The following CYTH1 variants were observed in gnomAD, a reference collection of about 807,000 sequenced individuals.
CYTH1 encodes cytohesin-1.
In CYTH1, 18 loss-of-function variants were observed where a neutral mutation model predicts 61.8. That is an observed-to-expected ratio of 0.29 (90% CI 0.20 to 0.43). The LOEUF is 0.43. Among genes scored for constraint, CYTH1 ranks in the 20% least tolerant of loss-of-function variants. The pLI is 1.00. For synonymous variants in CYTH1, 174 were observed against 184.3 expected (o/e 0.94, Z 0.45); for missense variants, 336 against 510.5 (o/e 0.66, Z 3.29).
chr17:78,761,920 G>A (rs1327585979), intron 1 of CYTH1, among the ~76,000 whole-genome samples: 1 of 152,180 alleles, frequency 6.6e-6, no homozygotes, highest in Non-Finnish European at 1.5e-5. Context: ...CATCTATTCT[G>A]AGTGGAAATT....
intron 11 of CYTH1, chr17:78,692,086 C>T (rs890326240): frequency 3.1e-5 from 8 of 256,934 alleles, no homozygotes; most frequent in African/African-American, 1.8e-4. Flanking sequence ...GGGCCACATA[C>T]TCTTTCTCGG....
At chr17:78,698,669 A>T in intron 8 of CYTH1, 151 bp downstream of exon 8, 2 of 986,916 alleles carry the variant, frequency 2.0e-6, no homozygotes, top group Non-Finnish European at 2.9e-6. Context: ...GGGCCTTACT[A>T]CCACTTTCTT....
intron 1 of CYTH1, among the ~76,000 whole-genome samples, chr17:78,750,484 T>A (rs887834055): frequency 1.6e-4 from 24 of 152,146 alleles, no homozygotes; most frequent in Middle Eastern, 3.2e-3. Context: ...TATAGCTGAT[T>A]CTTGCTATTC....
At chr17:78,725,346 G>C (rs1227649304) in intron 1 of CYTH1, among the ~76,000 whole-genome samples, 2 of 152,176 alleles carry the variant, frequency 1.3e-5, no homozygotes, top group Non-Finnish European at 2.9e-5. Context: ...AACAAACTCA[G>C]TGAAGACAGC....
chr17:78,685,775 G>C (rs928770570), intron 11 of CYTH1, among the ~76,000 whole-genome samples: 1 of 152,098 alleles, frequency 6.6e-6, no homozygotes, highest in Non-Finnish European at 1.5e-5. Context: ...TTTTCTTCAG[G>C]AGAGTGCGGC....
chr17:78,730,485 G>A (rs1475822948), intron 1 of CYTH1, among the ~76,000 whole-genome samples: 1 of 149,826 alleles, frequency 6.7e-6, no homozygotes, highest in Non-Finnish European at 1.5e-5. Flanking sequence ...CTTGCAGTGA[G>A]CCGAGATCAC....
chr17:78,711,459 A>G (rs1156428053), intron 1 of CYTH1, among the ~76,000 whole-genome samples: 1 of 152,060 alleles, frequency 6.6e-6, no homozygotes, highest in Non-Finnish European at 1.5e-5. Flanking sequence ...AGTATGAAAT[A>G]AAAGTGCATC....
intron 10 of CYTH1, among the ~76,000 whole-genome samples, chr17:78,694,801 C>T (rs1217405247): frequency 2.0e-5 from 3 of 152,180 alleles, no homozygotes; most frequent in African/African-American, 7.2e-5. Context: ...TGCCTGATTA[C>T]AAAAGCTTGG....
At chr17:78,747,165 A>G (rs1167933120) in intron 1 of CYTH1, among the ~76,000 whole-genome samples, 5 of 150,680 alleles carry the variant, frequency 3.3e-5, no homozygotes, top group African/African-American at 1.2e-4. Flanking sequence ...AAAAAAAAAA[A>G]AAAAAGAAAA....
chr17:78,692,178 T>C (rs2092893982), intron 11 of CYTH1, among the ~76,000 whole-genome samples: 1 of 152,200 alleles, frequency 6.6e-6, no homozygotes, highest in Admixed American at 6.5e-5. Flanking sequence ...AGGTATCTCC[T>C]GTCCCACCAG....
rs562294898 is a variant in CYTH1 at position 78,714,717 on chromosome 17, C to T, written c.23-4985G>A. On this transcript the variant is annotated intron_variant, in intron 1 of 13. Transcript: ENST00000446868. Reference sequence around the variant, plus strand: ...AAGCCAAGCCTCCCTGCCCACAAGGCCCAGCCATGCACAGAGCTTCCGCTT... The same window carrying T: ...AAGCCAAGCCTCCCTGCCCACAAGGTCCAGCCATGCACAGAGCTTCCGCTT... Among the ~76,000 whole-genome samples, 17 of 152,330 alleles carry T rather than the reference C, an allele frequency of 1.1e-4. No homozygotes were observed. The South Asian group carries it at 2.9e-3, about 26-fold the overall frequency.
intron 3 of CYTH1, among the ~76,000 whole-genome samples, chr17:78,704,957 C>G (rs1026188975): frequency 9.2e-5 from 14 of 152,088 alleles, no homozygotes; most frequent in Non-Finnish European, 1.9e-4. Flanking sequence ...TTAATTTCAG[C>G]CAGAATGAAG....
At chr17:78,743,853 C>T (rs994727941) in intron 1 of CYTH1, among the ~76,000 whole-genome samples, 8 of 152,182 alleles carry the variant, frequency 5.3e-5, no homozygotes, top group African/African-American at 1.9e-4. Flanking sequence ...GGTTAAAAGC[C>T]GTGTGGTAGG....
intron 1 of CYTH1, among the ~76,000 whole-genome samples, chr17:78,726,154 C>T (rs1220534395): frequency 6.6e-6 from 1 of 151,616 alleles, no homozygotes; most frequent in East Asian, 1.9e-4. Context: ...CGCCATTCTC[C>T]TGCCTCAGCC....
At chr17:78,760,508 T>TATATATATGTATATATATATACATAC in intron 1 of CYTH1, among the ~76,000 whole-genome samples, 1 of 46,922 alleles carries the variant, frequency 2.1e-5, no homozygotes, top group Middle Eastern at 9.6e-3. Context: ...CATATATATG[T>TATATATATGTATATATATATACATAC]ATATATATGT....
intron 13 of CYTH1, chr17:78,677,029 C>T (rs1390085091): frequency 4.4e-6 from 2 of 455,956 alleles, no homozygotes; most frequent in Non-Finnish European, 4.4e-6. Context: ...GCTGCTATGG[C>T]TCTCCTGGGC....
At chr17:78,729,664 C>T (rs2093283125) in intron 1 of CYTH1, among the ~76,000 whole-genome samples, 1 of 152,102 alleles carries the variant, frequency 6.6e-6, no homozygotes, top group South Asian at 2.1e-4. Context: ...GGATATGCTC[C>T]CCAAATTCCA....
chr17:78,709,875 T>C (rs2093110000), intron 1 of CYTH1, 143 bp from the exon 2 acceptor site: 2 of 677,048 alleles, frequency 3.0e-6, no homozygotes, highest in Non-Finnish European at 5.0e-6. Flanking sequence ...GAAATAGTTA[T>C]GGCTCCAATT....
chr17:78,769,917 C>T (rs990396029), intron 1 of CYTH1, among the ~76,000 whole-genome samples: 12 of 151,738 alleles, frequency 7.9e-5, no homozygotes, highest in Non-Finnish European at 1.3e-4. Context: ...TTTGGGAGGC[C>T]GAGGTGGGTG....
Sources: allele counts gnomAD v4.1 joint callset (sites outside exome capture counted in the v4.1 genomes callset), GRCh38; gene constraint gnomAD v4.1.1; transcripts MANE v1.5; gene names NCBI Gene and HGNC (gene_info 2026-07-23, HGNC 2026-07-21).